The following ARHGEF3 variants were observed in gnomAD, a reference collection of about 807,000 sequenced individuals.
The protein encoded by ARHGEF3 is Rho guanine nucleotide exchange factor 3, also known as 59.8 kDA protein.
A neutral mutation model predicts 63.2 loss-of-function variants in ARHGEF3; 28 were observed. That is an observed-to-expected ratio of 0.44 (90% CI 0.33 to 0.61). The LOEUF is 0.61. Ranked by LOEUF, ARHGEF3 falls within the 20% of genes least tolerant of loss-of-function variation. ARHGEF3 has a pLI of 0.03. For missense variants in ARHGEF3, 533 were observed against 659.3 expected (o/e 0.81, Z 2.10); for synonymous variants, 266 against 254.2 (o/e 1.05, Z -0.44).
At chr3:56,836,196 C>T (rs1388922477) in intron 4 of ARHGEF3, among the ~76,000 whole-genome samples, 1 of 152,084 alleles carries the variant, frequency 6.6e-6, no homozygotes, top group African/African-American at 2.4e-5. Flanking sequence ...TGTGTATTTT[C>T]GATCAATAGT....
At chr3:56,733,944 A>G (rs1321227574) in intron 8 of ARHGEF3, among the ~76,000 whole-genome samples, 2 of 141,734 alleles carry the variant, frequency 1.4e-5, no homozygotes, top group African/African-American at 2.6e-5. Flanking sequence ...AGATCGGGCC[A>G]TTGCACTCCA....
chr3:56,746,481 C>G (rs1278760394), intron 6 of ARHGEF3, among the ~76,000 whole-genome samples: 1 of 152,180 alleles, frequency 6.6e-6, no homozygotes, highest in Non-Finnish European at 1.5e-5. Flanking sequence ...CCTGTAATCC[C>G]AGCACATTGG....
chr3:56,730,370 G>C (rs2033055510), intron 9 of ARHGEF3, among the ~76,000 whole-genome samples: 1 of 151,034 alleles, frequency 6.6e-6, no homozygotes, highest in South Asian at 2.1e-4. Flanking sequence ...CCACAATATG[G>C]AAGACATTTT....
chr3:56,957,172 C>G (rs1700079210), intron 3 of ARHGEF3, among the ~76,000 whole-genome samples: 1 of 152,214 alleles, frequency 6.6e-6, no homozygotes, highest in South Asian at 2.1e-4. Flanking sequence ...GACTTGCATT[C>G]AGTAAGACAT....
intron 2 of ARHGEF3, among the ~76,000 whole-genome samples, chr3:57,032,942 G>A (rs576909912): frequency 1.3e-5 from 2 of 152,274 alleles, no homozygotes; most frequent in Admixed American, 1.3e-4. Context: ...AGGTGGATGG[G>A]TCCCTGTGGG....
At chr3:56,892,558 G>A (rs1239016656) in intron 3 of ARHGEF3, among the ~76,000 whole-genome samples, 1 of 152,020 alleles carries the variant, frequency 6.6e-6, no homozygotes, top group Non-Finnish European at 1.5e-5. Context: ...CTGATGCAAT[G>A]ATTTGAAGCC....
intron 1 of ARHGEF3, among the ~76,000 whole-genome samples, chr3:57,060,140 C>T (rs537482370): frequency 5.9e-5 from 9 of 151,898 alleles, no homozygotes; most frequent in South Asian, 2.1e-4. Flanking sequence ...GACAACATAG[C>T]GAGACCCCAT....
intron 3 of ARHGEF3, among the ~76,000 whole-genome samples, chr3:56,931,429 AG>A (rs1420491537): frequency 6.6e-6 from 1 of 152,008 alleles, no homozygotes; most frequent in African/African-American, 2.4e-5. Context: ...TACAAAGATT[AG>A]CCAGGCATGG....
chr3:56,740,619 C>G (rs2033951407), intron 7 of ARHGEF3, among the ~76,000 whole-genome samples: 1 of 152,190 alleles, frequency 6.6e-6, no homozygotes, highest in Admixed American at 6.5e-5. Context: ...AGGATTCCTG[C>G]CTTCAAGAAG....
At position 57,079,153 on chromosome 3, in the gene ARHGEF3, T is replaced by A. The variant is rs118059814; in HGVS notation, c.-28+73A>T. On this transcript the variant is annotated intron_variant, in intron 1 of 12. Coordinates refer to the ARHGEF3 transcript ENST00000338458. ...CACTCCGGGAGACCTAGCGGGGGTG[T>A]CCCGCCAAAGGGGTGTCTAGCCGGG... 3.5e-3 allele frequency: 1,369 copies of A among 386,838 alleles called. 27 individuals carry two copies. In the East Asian group the frequency reaches 0.04, roughly 11 times the overall value. The allele number at this position is 386,838 out of a possible 1,614,324, so 24.0% of individuals were successfully genotyped here. A position where few individuals can be genotyped will look rare whatever the true frequency, so the allele number is the denominator to read the frequency against.
rs1309873979 is a variant in ARHGEF3 at position 56,773,707 on chromosome 3, A to T, written c.204+2T>A. On this transcript the variant is annotated splice_donor_variant, in intron 2 of 9. Coordinates refer to ENST00000296315, the MANE Select transcript of ARHGEF3 (RefSeq NM_019555.3). LOFTEE classifies it high-confidence loss of function. ...ACCACAGGCCCTGTGTGCCCTTCTT[A>T]CCTGCAGGGTTTGACTGAAGCGCTT... 1.3e-6 allele frequency: 2 copies of T among 1,575,958 alleles called. No individual in the cohort carries two copies. The highest frequency in any genetic ancestry group is 4.1e-5 in the Admixed American group (2 of 49,262).
intron 2 of ARHGEF3, among the ~76,000 whole-genome samples, chr3:56,762,688 T>C (rs1269604429): frequency 6.6e-6 from 1 of 152,184 alleles, no homozygotes; most frequent in Non-Finnish European, 1.5e-5. Flanking sequence ...TCTCCACACT[T>C]ACCATGCTAA....
chr3:56,974,861 T>G (rs1039904231), intron 2 of ARHGEF3, among the ~76,000 whole-genome samples: 10 of 152,180 alleles, frequency 6.6e-5, no homozygotes, highest in Admixed American at 1.3e-4. Context: ...TCTAAAGTTT[T>G]GCCTGGGGAG....
chr3:56,844,125 C>T (rs1435332007), intron 4 of ARHGEF3, among the ~76,000 whole-genome samples: 1 of 152,160 alleles, frequency 6.6e-6, no homozygotes, highest in African/African-American at 2.4e-5. Flanking sequence ...TTTAAAGCTG[C>T]GTGGCAAAGT....
At chr3:57,053,198 C>G (rs1350976697) in intron 1 of ARHGEF3, among the ~76,000 whole-genome samples, 1 of 152,222 alleles carries the variant, frequency 6.6e-6, no homozygotes, top group Non-Finnish European at 1.5e-5. Flanking sequence ...CACCCTCCCT[C>G]TCAAGCGCCT....
chr3:57,049,153 T>C (rs1175274685), intron 1 of ARHGEF3, among the ~76,000 whole-genome samples: 2 of 152,144 alleles, frequency 1.3e-5, no homozygotes, highest in Non-Finnish European at 2.9e-5. Flanking sequence ...GAGGATCACT[T>C]CAGGCCAGAA....
At chr3:57,003,220 A>G (rs1355536837) in intron 2 of ARHGEF3, among the ~76,000 whole-genome samples, 2 of 149,952 alleles carry the variant, frequency 1.3e-5, no homozygotes, top group Non-Finnish European at 3.0e-5. Flanking sequence ...CTTGGCCAAC[A>G]TGGTGAAACC....
At position 57,054,349 on chromosome 3, in the gene ARHGEF3, G is replaced by C. The variant is rs1358382964; in HGVS notation, c.-27-19173C>G. On this transcript the variant is annotated intron_variant, in intron 1 of 12. Transcript: ENST00000338458. ...TTATCCTTTTAAAATTGGGTTGTCA[G>C]GTAGGTACGGTGGCTCACACCTATA... is the stretch of plus-strand genomic sequence containing the variant. Among the ~76,000 whole-genome samples, 10 of 152,024 alleles carry C rather than the reference G, an allele frequency of 6.6e-5. No homozygotes were observed. The East Asian group carries it at 1.9e-3, about 30-fold the overall frequency.
intron 1 of ARHGEF3, among the ~76,000 whole-genome samples, chr3:56,774,420 A>C (rs1220628937): frequency 6.6e-6 from 1 of 152,252 alleles, no homozygotes; most frequent in East Asian, 1.9e-4. Context: ...CAGACGGCAA[A>C]AGAAAATGTA....
Sources: gnomAD v4.1 joint callset for allele counts (sites outside exome capture counted in the v4.1 genomes callset) on GRCh38, gnomAD v4.1.1 for gene constraint, MANE v1.5 for transcripts, NCBI Gene and HGNC (gene_info 2026-07-23, HGNC 2026-07-21) for gene names.